Variants in CTNNA3 observed in about 807,000 individuals in gnomAD.
The protein encoded by CTNNA3 is catenin alpha-3.
CTNNA3 carries 76 observed loss-of-function variants against 95.7 expected under a neutral mutation model. The observed-to-expected ratio is 0.79, with a 90% CI of 0.66 to 0.96. The LOEUF (loss-of-function observed/expected upper bound fraction) is 0.96, where lower values mean the gene tolerates loss of function less well. Ranked by LOEUF, CTNNA3 falls within the 40% of genes least tolerant of loss-of-function variation. CTNNA3 has a pLI of 0.00. For synonymous variants in CTNNA3, 431 were observed against 374.4 expected (o/e 1.15, Z -1.74); for missense variants, 1,191 against 1,089.8 (o/e 1.09, Z -1.31).
At chr10:67,654,142 G>T (rs1839954681) in intron 1 of CTNNA3, among the ~76,000 whole-genome samples, 2 of 152,190 alleles carry the variant, frequency 1.3e-5, no homozygotes. Context: ...GGACACAGAG[G>T]TGAGCTCCAC....
intron 7 of CTNNA3, among the ~76,000 whole-genome samples, chr10:66,783,189 A>G (rs1460270839): frequency 5.3e-5 from 8 of 152,180 alleles, no homozygotes; most frequent in Non-Finnish European, 1.5e-5. Context: ...ACCGATATTC[A>G]CCAAACATGA....
chr10:65,985,641 C>T (rs934755260), intron 16 of CTNNA3, among the ~76,000 whole-genome samples: 5 of 151,242 alleles, frequency 3.3e-5, no homozygotes, highest in African/African-American at 1.2e-4. Flanking sequence ...AACATTATAA[C>T]ATTTTAAAAT....
rs1019357266 is a variant in CTNNA3, at chr10:66,349,093, A to T, written c.1732+30059T>A. On this transcript the variant is annotated intron_variant, in intron 12 of 17. Coordinates refer to ENST00000433211, the MANE Select transcript of CTNNA3 (RefSeq NM_013266.4). ...GTTACTTCACAATTCGTTACATAAGATTATATTTCTTGTCCTGATGGAGTC... is the reference window on the plus strand; with the variant it reads ...GTTACTTCACAATTCGTTACATAAGTTTATATTTCTTGTCCTGATGGAGTC... 7.2e-5 allele frequency among the ~76,000 whole-genome samples: 11 copies of T among 152,170 alleles called. No individual in the cohort carries two copies. In the South Asian group the frequency reaches 2.3e-3, roughly 32 times the overall value.
intron 5 of CTNNA3, among the ~76,000 whole-genome samples, chr10:67,448,825 G>A: frequency 6.8e-6 from 1 of 148,010 alleles, no homozygotes; most frequent in South Asian, 2.1e-4. Flanking sequence ...ATATATAATT[G>A]TTATACAATT....
chr10:66,932,533 ATTG>A (rs1196839122), intron 7 of CTNNA3, among the ~76,000 whole-genome samples: 2 of 152,138 alleles, frequency 1.3e-5, no homozygotes, highest in Non-Finnish European at 2.9e-5. Context: ...GAGTTTTGCT[ATTG>A]TTGTATTCTC....
At chr10:66,637,695 G>T (rs1207367912) in intron 9 of CTNNA3, among the ~76,000 whole-genome samples, 2 of 152,190 alleles carry the variant, frequency 1.3e-5, no homozygotes, top group Non-Finnish European at 2.9e-5. Flanking sequence ...CTATGAGATG[G>T]TAACCTTAAT....
intron 10 of CTNNA3, among the ~76,000 whole-genome samples, chr10:66,583,410 G>A (rs2660016): frequency 0.68 from 102,271 of 149,456 alleles, 35,906 homozygotes; most frequent in Non-Finnish European, 0.79. Context: ...TCAAGCTAGC[G>A]GGGGTTGTAT....
At chr10:67,175,621 C>G (rs559720290) in intron 7 of CTNNA3, among the ~76,000 whole-genome samples, 36 of 152,266 alleles carry the variant, frequency 2.4e-4, no homozygotes, top group African/African-American at 8.2e-4. Context: ...CTGCATGGAG[C>G]TCAGATCTGA....
chr10:67,656,865 T>C (rs1007533519), intron 1 of CTNNA3, among the ~76,000 whole-genome samples: 14 of 152,122 alleles, frequency 9.2e-5, no homozygotes, highest in Non-Finnish European at 1.9e-4. Context: ...CAGAAAGGTA[T>C]GGAGGCTGCA....
intron 13 of CTNNA3, among the ~76,000 whole-genome samples, chr10:66,165,625 A>G (rs892197675): frequency 6.6e-6 from 1 of 152,064 alleles, no homozygotes; most frequent in Non-Finnish European, 1.5e-5. Context: ...GGTGAAATAT[A>G]TAGTATTTAT....
chr10:66,969,371 G>A (rs764740978), intron 7 of CTNNA3, among the ~76,000 whole-genome samples: 6 of 151,746 alleles, frequency 4.0e-5, no homozygotes, highest in East Asian at 1.9e-4. Flanking sequence ...GCCTCATATC[G>A]TTCCATAAAA....
intron 6 of CTNNA3, among the ~76,000 whole-genome samples, chr10:67,204,444 G>A (rs1454126446): frequency 6.6e-6 from 1 of 152,074 alleles, no homozygotes; most frequent in Non-Finnish European, 1.5e-5. Flanking sequence ...CACCACGATT[G>A]AAAGTTTCCT....
At chr10:66,188,365 A>T (rs543133506) in intron 13 of CTNNA3, among the ~76,000 whole-genome samples, 1 of 151,918 alleles carries the variant, frequency 6.6e-6, no homozygotes, top group Admixed American at 6.6e-5. Flanking sequence ...TTTGACCTGC[A>T]TCTTCCCATT....
At chr10:66,523,680 C>G (rs545019330) in intron 10 of CTNNA3, among the ~76,000 whole-genome samples, 2 of 152,194 alleles carry the variant, frequency 1.3e-5, no homozygotes, top group Middle Eastern at 3.4e-3. Flanking sequence ...TGATAATTAT[C>G]TAGTCTGTCA....
rs562166883 is a variant in CTNNA3 at position 67,285,963 on chromosome 10, T to G, written c.580-66093A>C. Among the ~76,000 whole-genome samples the G allele has an allele frequency of 3.3e-5, 5 of 152,314 alleles. No individual in the cohort carries two copies. In the East Asian group the frequency reaches 9.6e-4, roughly 29 times the overall value. Reference sequence around the variant, plus strand: ...ATTTTTTATAAATAGAGGATTTTAGTGCCTATTTTGGAATAGCAGGTAGTA... The same window carrying G: ...ATTTTTTATAAATAGAGGATTTTAGGGCCTATTTTGGAATAGCAGGTAGTA... On this transcript the variant is annotated intron_variant, in intron 5 of 17. Transcript: ENST00000433211.
intron 11 of CTNNA3, among the ~76,000 whole-genome samples, chr10:66,492,748 AG>A (rs1839966709): frequency 6.6e-6 from 1 of 152,174 alleles, no homozygotes; most frequent in Non-Finnish European, 1.5e-5. Context: ...TCTAGCCTAG[AG>A]GCTTGAAGTC....
At chr10:66,033,464 C>CT (rs1032493534) in intron 15 of CTNNA3, among the ~76,000 whole-genome samples, 5 of 151,368 alleles carry the variant, frequency 3.3e-5, no homozygotes, top group South Asian at 2.1e-4. Context: ...GATTCTAAAC[C>CT]TTTTTTTTAA....
chr10:67,176,071 A>ATATTTTT (rs1489221312), intron 7 of CTNNA3, among the ~76,000 whole-genome samples: 3 of 152,164 alleles, frequency 2.0e-5, no homozygotes, highest in Non-Finnish European at 2.9e-5. Context: ...GACAAAAGCT[A>ATATTTTT]TATTTTTTCT....
intron 7 of CTNNA3, among the ~76,000 whole-genome samples, chr10:66,931,521 T>C (rs1847392030): frequency 6.6e-6 from 1 of 152,194 alleles, no homozygotes; most frequent in Non-Finnish European, 1.5e-5. Context: ...AGACAGGCAG[T>C]AAATTGTCTT....
Sources: allele counts gnomAD v4.1 joint callset (sites outside exome capture counted in the v4.1 genomes callset), GRCh38; gene constraint gnomAD v4.1.1; transcripts MANE v1.5; gene names NCBI Gene and HGNC (gene_info 2026-07-23, HGNC 2026-07-21).